Variants in USP34 observed in about 807,000 individuals in gnomAD.
USP34 encodes ubiquitin specific peptidase 34.
A neutral mutation model predicts 460.3 loss-of-function variants in USP34; 70 were observed. The ratio of observed to expected loss-of-function variants is 0.15; its 90% CI spans 0.13 to 0.19. The LOEUF (loss-of-function observed/expected upper bound fraction) is 0.19. USP34 is among the 10% of genes least tolerant of loss of function. USP34 has a pLI of 1.00. For synonymous variants in USP34, 1,647 were observed against 1,405.3 expected, an observed-to-expected ratio of 1.17 and a Z score of -3.85; for missense variants, 3,985 against 4,236.2, an observed-to-expected ratio of 0.94 and a Z score of 1.65.
chr2:61,250,160 G>A (rs1028810682), intron 48 of USP34: 1 of 157,494 alleles, frequency 6.3e-6, no homozygotes, highest in African/African-American at 2.4e-5. Context: ...TGAGGTTGGA[G>A]GGAGCCAAGA....
At chr2:61,292,243 G>GA (rs112608494) in intron 33 of USP34, among the ~76,000 whole-genome samples, 2,300 of 147,928 alleles carry the variant, frequency 0.016, 68 homozygotes, top group African/African-American at 0.053. Context: ...ATTTGAAAAG[G>GA]AAAAAAAAAA....
chr2:61,372,393 T>TA (rs1692654039), intron 8 of USP34, among the ~76,000 whole-genome samples: 1 of 152,158 alleles, frequency 6.6e-6, no homozygotes, highest in East Asian at 1.9e-4. Context: ...AATTCATTTC[T>TA]AAAAAAAATT....
intron 10 of USP34, among the ~76,000 whole-genome samples, chr2:61,351,553 A>T (rs1297862781): frequency 6.6e-6 from 1 of 152,176 alleles, no homozygotes; most frequent in Non-Finnish European, 1.5e-5. Flanking sequence ...TCCCAATTTG[A>T]GGGCTGTCAA....
chr2:61,307,984 G>A (rs1000432542), intron 27 of USP34, among the ~76,000 whole-genome samples: 10 of 152,120 alleles, frequency 6.6e-5, no homozygotes, highest in African/African-American at 2.4e-4. Context: ...GGGAGGTTAA[G>A]GCTGTGGTGA....
chr2:61,285,108 A>C (rs1481580550), intron 34 of USP34, 151 bp from the exon 35 acceptor site: 1 of 580,086 alleles, frequency 1.7e-6, no homozygotes, highest in Non-Finnish European at 3.0e-6. Context: ...TAACACAATA[A>C]AGAATGTCGT....
chr2:61,199,173 G>A (rs527852518), intron 75 of USP34, among the ~76,000 whole-genome samples: 2 of 152,144 alleles, frequency 1.3e-5, no homozygotes, highest in South Asian at 4.2e-4. Context: ...TTGTGTCCTA[G>A]GTAGCATGGT....
intron 29 of USP34, among the ~76,000 whole-genome samples, chr2:61,297,806 G>A (rs1690078151): frequency 6.6e-6 from 1 of 152,050 alleles, no homozygotes; most frequent in Non-Finnish European, 1.5e-5. Context: ...GCAATGGCAC[G>A]ATCTCAGCTC....
Position 61,283,259 on chromosome 2 carries a change from A to G in USP34, c.4884T>C (p.Tyr1628=). The stretch of plus-strand genomic sequence containing the variant: ...CCCAACTCACCAAGAGCCACATTGA[A>G]TAATGTGAAACTAAAGAAAAATTAG... ...DHRSRHEVSH[Y]SMWLLVSWAH... is the part of the protein sequence containing the mutation. Residue 1628 remains tyrosine, a synonymous_variant, in exon 37 of 80, where the codon TAT becomes TAC. Transcript: ENST00000398571. The G allele has an allele frequency of 6.2e-7, 1 of 1,612,598 alleles. No individual in the cohort carries two copies. The highest frequency in any genetic ancestry group is 8.5e-7 in the Non-Finnish European group (1 of 1,179,374).
At chr2:61,447,254 CAAAAAAAAAAAAAAAA>C (rs763711140) in intron 1 of USP34, among the ~76,000 whole-genome samples, 10 of 59,624 alleles carry the variant, frequency 1.7e-4, no homozygotes, top group South Asian at 9.8e-4. Flanking sequence ...AACTGTCTTC[CAAAAAAAAAAAAAAAA>C]AAAAAAAAAA....
At chr2:61,433,931 T>C (rs1040839274) in intron 1 of USP34, among the ~76,000 whole-genome samples, 3 of 152,104 alleles carry the variant, frequency 2.0e-5, no homozygotes, top group Non-Finnish European at 4.4e-5. Flanking sequence ...GCCACAACTA[T>C]AGCTGCAACT....
intron 67 of USP34, among the ~76,000 whole-genome samples, chr2:61,217,325 A>C (rs1453273652): frequency 6.6e-6 from 1 of 152,200 alleles, no homozygotes; most frequent in African/African-American, 2.4e-5. Context: ...GGCAACTCTA[A>C]GACACTAATG....
At chr2:61,417,739 C>CTTTTTTT (rs1694237952) in intron 2 of USP34, among the ~76,000 whole-genome samples, 4 of 81,074 alleles carry the variant, frequency 4.9e-5, no homozygotes, top group African/African-American at 9.8e-5. Context: ...TTCTTTTTTT[C>CTTTTTTT]TTTTCTTTTT....
chr2:61,385,624 A>G (rs1229080896), intron 5 of USP34, among the ~76,000 whole-genome samples: 2 of 143,822 alleles, frequency 1.4e-5, no homozygotes, highest in East Asian at 4.1e-4. Context: ...GTGAGCCAAG[A>G]TCATGCCACT....
chr2:61,458,598 T>A (rs77859818), intron 1 of USP34, among the ~76,000 whole-genome samples: 3,205 of 130,166 alleles, frequency 0.025, 156 homozygotes, highest in African/African-American at 0.09. Flanking sequence ...AGGCTCAGTG[T>A]CATCAATGAA....
intron 8 of USP34, among the ~76,000 whole-genome samples, chr2:61,372,409 AT>A (rs1301070749): frequency 2.0e-5 from 3 of 152,186 alleles, no homozygotes; most frequent in Non-Finnish European, 2.9e-5. Context: ...AAATTCCACT[AT>A]TATTTAAGTC....
At chr2:61,332,248 AT>A (rs1166947014) in intron 19 of USP34, among the ~76,000 whole-genome samples, 1 of 152,010 alleles carries the variant, frequency 6.6e-6, no homozygotes, top group Non-Finnish European at 1.5e-5. Context: ...AGTTTAAGAG[AT>A]AATATGTACT....
At chr2:61,408,547 C>T (rs1332011524) in intron 2 of USP34, among the ~76,000 whole-genome samples, 1 of 152,118 alleles carries the variant, frequency 6.6e-6, no homozygotes, top group East Asian at 1.9e-4. Flanking sequence ...ATTTCTCCTA[C>T]AATTCTTCTG....
chr2:61,423,374 A>G (rs2103978657), intron 1 of USP34, among the ~76,000 whole-genome samples: 1 of 152,282 alleles, frequency 6.6e-6, no homozygotes, highest in Admixed American at 6.5e-5. Flanking sequence ...AGCCTCCCAA[A>G]GTGCTGGGAT....
intron 34 of USP34, among the ~76,000 whole-genome samples, chr2:61,287,311 G>C (rs1689719554): frequency 6.6e-6 from 1 of 152,188 alleles, no homozygotes; most frequent in African/African-American, 2.4e-5. Flanking sequence ...GTTACAAAAT[G>C]AGATCTCCCT....
Sources: gnomAD v4.1 joint callset for allele counts (sites outside exome capture counted in the v4.1 genomes callset) on GRCh38, gnomAD v4.1.1 for gene constraint, MANE v1.5 for transcripts, NCBI Gene and HGNC (gene_info 2026-07-23, HGNC 2026-07-21) for gene names.